NUP210: variants seen among roughly 807,000 people sequenced by gnomAD.
NUP210 encodes the protein nucleoporin 210.
In NUP210, 151 loss-of-function variants were observed where a neutral mutation model predicts 196.0. The observed-to-expected ratio is 0.77, with a 90% confidence interval of 0.67 to 0.88. NUP210 has a LOEUF of 0.88. Ranked by LOEUF, NUP210 falls within the 40% of genes least tolerant of loss-of-function variation. The pLI, the probability that NUP210 is intolerant of heterozygous loss-of-function variation, is 0.00. For missense variants in NUP210, 2,314 were observed against 2,493.7 expected (o/e 0.93, Z 1.53); for synonymous variants, 1,070 against 1,052.7 (o/e 1.02, Z -0.32).
At chr3:13,381,543 T>G (rs1265006532) in intron 6 of NUP210, among the ~76,000 whole-genome samples, 2 of 151,688 alleles carry the variant, frequency 1.3e-5, no homozygotes, top group South Asian at 4.2e-4. Context: ...CCTAAGTAGT[T>G]GAGACTACCA....
chr3:13,332,025 C>A (rs1009378883), intron 29 of NUP210, among the ~76,000 whole-genome samples: 24 of 152,008 alleles, frequency 1.6e-4, no homozygotes, highest in African/African-American at 5.8e-4. Context: ...GTGTTTTTTT[C>A]CCTTTTAAAG....
In NUP210 at chr3:13,388,494, C is replaced by T. The variant is rs117612840; in HGVS notation, c.534-41G>A. On this transcript the variant is annotated intron_variant, in intron 4 of 39. Transcript: ENST00000254508. ...GTTGTCAAAGTTTGTTGATCAAACC[C>T]CAACACAAGATTTGTCAGAATCTAC... is the stretch of plus-strand genomic sequence containing the variant. 168 of 1,562,912 alleles carry T rather than the reference C, an allele frequency of 1.1e-4. 1 individual carries two copies. In the East Asian group the frequency reaches 2.3e-3, roughly 21 times the overall value.
At chr3:13,320,006 G>A (rs1316728038) in intron 36 of NUP210, 27 bp from the exon 37 acceptor site, 1 of 1,602,714 alleles carries the variant, frequency 6.2e-7, no homozygotes, top group South Asian at 1.1e-5. Flanking sequence ...AGCTGGGGGT[G>A]CACATTCTGC....
intron 11 of NUP210, 94 bp downstream of exon 11, chr3:13,375,410 A>G (rs978850836): frequency 1.7e-5 from 20 of 1,201,062 alleles, no homozygotes; most frequent in African/African-American, 1.4e-4. Context: ...CACAACCACT[A>G]GAGAGTAATA....
rs1271641647 is a variant in NUP210, at chr3:13,321,719, T to C, written c.5032A>G (p.Thr1678Ala). ...SASLSSSHFS[T>A]EQVGAEVPFS... The stretch of plus-strand genomic sequence containing the variant: ...GGCACCTCGGCCCCCACCTGCTCTG[T>C]GGAGAAGTGGCTGCTGGAGAGGGAG... The change falls in exon 36 of 40, where the codon ACA (threonine) becomes GCA (alanine). Residue 1678 changes from threonine to alanine, a missense_variant. By Grantham distance (58) the Thr-to-Ala change is moderately conservative. Coordinates refer to ENST00000254508, the MANE Select transcript of NUP210 (RefSeq NM_024923.4). 2.5e-6 allele frequency: 4 copies of C among 1,614,028 alleles called. No homozygotes were observed. Among genetic ancestry groups the C allele is most frequent in the African/African-American group, 2.7e-5 (2 of 74,942 alleles).
At chr3:13,374,292 A>G (rs780408949) in intron 11 of NUP210, among the ~76,000 whole-genome samples, 1 of 152,100 alleles carries the variant, frequency 6.6e-6, no homozygotes, top group Non-Finnish European at 1.5e-5. Context: ...ACTCACATAC[A>G]TTCACCTACT....
chr3:13,412,231 C>CTTTCTT (rs1553605360), intron 1 of NUP210, among the ~76,000 whole-genome samples: 2 of 104,790 alleles, frequency 1.9e-5, no homozygotes, highest in South Asian at 2.8e-4. Context: ...TTTTCCTTTT[C>CTTTCTT]TTTTTTTTTT....
Position 13,420,068 on chromosome 3 carries a change from G to C in NUP210, c.159C>G (p.Cys53Trp). 3.0e-6 allele frequency: 4 copies of C among 1,344,054 alleles called. No individual in the cohort carries two copies. Among genetic ancestry groups the C allele is most frequent in the Non-Finnish European group, 3.9e-6 (4 of 1,027,192 alleles). The allele number at this position is 1,344,054 out of a possible 1,614,324, so 83.3% of individuals were successfully genotyped here. Reference protein sequence around the residue: ...VNFTLEASEGCYRWLSTRPEV... With the variant: ...VNFTLEASEGWYRWLSTRPEV... ...CCGGCCGCGCGCCTCACCAGCGGTAGCAGCCCTCCGAGGCCTCCAGCGTGA... is the reference window on the plus strand; with the variant it reads ...CCGGCCGCGCGCCTCACCAGCGGTACCAGCCCTCCGAGGCCTCCAGCGTGA... The change falls in exon 1 of 40, where the codon TGC (cysteine) becomes TGG (tryptophan). Residue 53 changes from cysteine (C) to tryptophan (W), a missense_variant. Coordinates refer to ENST00000254508, the MANE Select transcript of NUP210 (RefSeq NM_024923.4). This position sits in a 1 kb window ranked among gnomAD's most constrained non-coding sequence, Gnocchi z 4.8.
chr3:13,317,877 A>G, intron 39 of NUP210, 96 bp from the exon 40 acceptor site: 1 of 852,316 alleles, frequency 1.2e-6, no homozygotes, highest in Non-Finnish European at 1.9e-6. Flanking sequence ...TGCCTCACCC[A>G]GGACACTCTC....
In NUP210 at chr3:13,373,827, A is replaced by C. The variant is rs1698809389; in HGVS notation, c.1478T>G (p.Leu493Arg). The C allele has an allele frequency of 6.2e-7, 1 of 1,613,966 alleles. No individual in the cohort carries two copies. The highest frequency in any genetic ancestry group is 1.3e-5 in the African/African-American group (1 of 74,934). ...GCCCTTGACAGTAACTGTGGCAACCAGGTGGCTTGACGAAGACCAGCTGAA... is the reference window on the plus strand; with the variant it reads ...GCCCTTGACAGTAACTGTGGCAACCCGGTGGCTTGACGAAGACCAGCTGAA... ...GNFSWSSSSH[L>R]VATVTVKGVM... Residue 493 changes from leucine (L) to arginine (R), a missense_variant, in exon 12 of 40, where the codon CTG becomes CGG. Transcript: ENST00000254508.
chr3:13,386,263 C>A lies in NUP210; in HGVS notation c.817+12G>T. On this transcript the variant is annotated intron_variant, in intron 6 of 39. Transcript: ENST00000254508. ...GGAAGCATCTGTCATGATGGCAGAG[C>A]CAATGACACACCTGTAATTTTCCCT... The A allele has an allele frequency of 6.2e-7, 1 of 1,610,628 alleles. No individual in the cohort carries two copies. Among genetic ancestry groups the A allele is most frequent in the Non-Finnish European group, 8.5e-7 (1 of 1,178,280 alleles).
chr3:13,345,303 C>T (rs1439323426), intron 20 of NUP210: 2 of 869,236 alleles, frequency 2.3e-6, no homozygotes, highest in African/African-American at 3.6e-5. Flanking sequence ...CTTCAATGTG[C>T]AAATGAGTTA....
intron 13 of NUP210, among the ~76,000 whole-genome samples, chr3:13,369,027 G>A (rs2124906168): frequency 6.6e-6 from 1 of 152,352 alleles, no homozygotes; most frequent in East Asian, 1.9e-4. Context: ...TTCCACAGCA[G>A]CAGCACCTTT....
chr3:13,329,740 A>T (rs1435843090), intron 30 of NUP210, among the ~76,000 whole-genome samples: 7 of 152,234 alleles, frequency 4.6e-5, no homozygotes, highest in Non-Finnish European at 8.8e-5. Context: ...AGTGGTGATG[A>T]TGAGACATGG....
chr3:13,355,752 T>C (rs1698148896), intron 16 of NUP210, among the ~76,000 whole-genome samples: 2 of 152,192 alleles, frequency 1.3e-5, no homozygotes, highest in Admixed American at 6.5e-5. Context: ...ATTCATAATA[T>C]AGAAGCCGGG....
At chr3:13,335,364 C>G (rs1697168040) in intron 28 of NUP210, 90 bp downstream of exon 28, 1 of 1,463,516 alleles carries the variant, frequency 6.8e-7, no homozygotes, top group Non-Finnish European at 9.4e-7. Context: ...TCTCTCAGCC[C>G]CTGCCCATGC....
rs577479406 is a variant in NUP210 at position 13,325,091 on chromosome 3, T to C, written c.4644+704A>G. Among the ~76,000 whole-genome samples, 12 of 152,246 alleles carry C rather than the reference T, an allele frequency of 7.9e-5. No individual in the cohort carries two copies. In the South Asian group the frequency reaches 2.5e-3, roughly 32 times the overall value. ...GAATCTGGTGCATTTTCTGATCTGA[T>C]CACAAAGCCAGACCATGCTTCTCCC... On this transcript the variant is annotated intron_variant, in intron 33 of 39. Transcript: ENST00000254508.
At chr3:13,346,473 C>T (rs1697733181) in intron 20 of NUP210, among the ~76,000 whole-genome samples, 1 of 152,234 alleles carries the variant, frequency 6.6e-6, no homozygotes, top group Non-Finnish European at 1.5e-5. Flanking sequence ...GTTGAAGGTG[C>T]CACCTGAGAA....
chr3:13,409,268 C>A (rs1217622254), intron 1 of NUP210, among the ~76,000 whole-genome samples: 1 of 152,228 alleles, frequency 6.6e-6, no homozygotes, highest in Non-Finnish European at 1.5e-5. Flanking sequence ...GAAATCCTCA[C>A]CTCTGAGGTG....
Sources: gnomAD v4.1 joint callset for allele counts (sites outside exome capture counted in the v4.1 genomes callset) on GRCh38, gnomAD v4.1.1 for gene constraint, Gnocchi (gnomAD v3.1) non-coding constraint, MANE v1.5 for transcripts, NCBI Gene and HGNC (gene_info 2026-07-23, HGNC 2026-07-21) for gene names.